Variants in DCC observed in about 807,000 individuals in gnomAD.
DCC encodes netrin receptor DCC.
In DCC, 58 loss-of-function variants were observed where a neutral mutation model predicts 172.5. The observed-to-expected ratio is 0.34, with a 90% CI of 0.27 to 0.42. The LOEUF is 0.42. DCC is among the 10% of genes least tolerant of loss of function. The probability of loss-of-function intolerance (pLI) is 1.00; values close to 1 mark genes in which losing one functional copy is unlikely to be tolerated. For missense variants in DCC, 1,740 were observed against 1,791.0 expected (o/e 0.97, Z 0.51); for synonymous variants, 709 against 644.5 (o/e 1.10, Z -1.52).
chr18:53,049,607 T>C (rs996160701), intron 5 of DCC, among the ~76,000 whole-genome samples: 1 of 152,104 alleles, frequency 6.6e-6, no homozygotes, highest in African/African-American at 2.4e-5. Flanking sequence ...TAGTTAGAAA[T>C]TGGGTAATGT....
chr18:52,538,924 G>A (rs1212122981), intron 1 of DCC, among the ~76,000 whole-genome samples: 2 of 152,210 alleles, frequency 1.3e-5, no homozygotes, highest in African/African-American at 4.8e-5. Context: ...AGTGAATAAT[G>A]TGTGGTGGAT....
chr18:52,541,899 G>GTATATATATATA (rs1390082523), intron 1 of DCC, among the ~76,000 whole-genome samples: 3 of 136,036 alleles, frequency 2.2e-5, no homozygotes, highest in African/African-American at 8.2e-5. Context: ...ATATATATGT[G>GTATATATATATA]TATATATATA....
intron 5 of DCC, among the ~76,000 whole-genome samples, chr18:53,031,688 A>G (rs112932304): frequency 0.013 from 2,044 of 152,298 alleles, 35 homozygotes; most frequent in African/African-American, 0.046. Context: ...CATCAAAATT[A>G]TATACACTGG....
intron 7 of DCC, among the ~76,000 whole-genome samples, chr18:53,135,146 C>T (rs765472338): frequency 6.6e-5 from 10 of 152,160 alleles, no homozygotes; most frequent in Non-Finnish European, 1.0e-4. Flanking sequence ...TGCACCCTTG[C>T]TTCTCAGCTT....
At chr18:52,669,316 T>G (rs935560649) in intron 1 of DCC, among the ~76,000 whole-genome samples, 2 of 152,186 alleles carry the variant, frequency 1.3e-5, no homozygotes, top group African/African-American at 4.8e-5. Context: ...TCTTGTAGCC[T>G]CCAGCTGCAG....
At chr18:52,862,634 G>T (rs527294041) in intron 2 of DCC, among the ~76,000 whole-genome samples, 42 of 152,156 alleles carry the variant, frequency 2.8e-4, no homozygotes, top group African/African-American at 8.9e-4. Flanking sequence ...GGAGAGGGAG[G>T]TTGCAGTGAG....
intron 13 of DCC, among the ~76,000 whole-genome samples, chr18:53,311,125 TA>T (rs1196311254): frequency 8.5e-5 from 9 of 106,160 alleles, no homozygotes; most frequent in Middle Eastern, 4.8e-3. Context: ...TTATTTTATT[TA>T]TTTATTTTTT....
At chr18:52,925,505 C>G (rs995764844) in intron 5 of DCC, 135 bp downstream of exon 5, 2 of 876,636 alleles carry the variant, frequency 2.3e-6, no homozygotes, top group Non-Finnish European at 3.8e-6. Context: ...CCACACATGT[C>G]CTTGCTTTGC....
chr18:53,445,934 T>G (rs1438904151), intron 22 of DCC, among the ~76,000 whole-genome samples: 1 of 150,188 alleles, frequency 6.7e-6, no homozygotes, highest in Non-Finnish European at 1.5e-5. Context: ...TGATACAAGG[T>G]TTTTTTTCCT....
chr18:52,388,236 G>A (rs1985894710), intron 1 of DCC, among the ~76,000 whole-genome samples: 1 of 151,860 alleles, frequency 6.6e-6, no homozygotes, highest in African/African-American at 2.4e-5. Context: ...TTAGGAGAAG[G>A]CAACTTTTCA....
chr18:52,753,521 A>G (rs541235493), intron 2 of DCC, among the ~76,000 whole-genome samples: 1 of 152,266 alleles, frequency 6.6e-6, no homozygotes, highest in East Asian at 1.9e-4. Context: ...TGCAGAGTCC[A>G]TTTTTTTGTT....
chr18:53,365,149 C>T (rs527366604), intron 15 of DCC, among the ~76,000 whole-genome samples: 1 of 149,306 alleles, frequency 6.7e-6, no homozygotes, highest in African/African-American at 2.5e-5. Flanking sequence ...TTGTTCAATT[C>T]CCACCTATGA....
intron 1 of DCC, among the ~76,000 whole-genome samples, chr18:52,624,948 G>T (rs1315245277): frequency 6.6e-6 from 1 of 152,104 alleles, no homozygotes; most frequent in Non-Finnish European, 1.5e-5. Flanking sequence ...TAGGTGATTT[G>T]GTTGTTGTGT....
chr18:52,970,171 T>C (rs1229428811), intron 5 of DCC, among the ~76,000 whole-genome samples: 7 of 152,112 alleles, frequency 4.6e-5, no homozygotes, highest in Admixed American at 3.9e-4. Flanking sequence ...GAATCTGTTT[T>C]ACTATTAGGA....
intron 1 of DCC, among the ~76,000 whole-genome samples, chr18:52,579,886 A>C (rs1012686520): frequency 2.0e-5 from 3 of 152,252 alleles, no homozygotes; most frequent in Non-Finnish European, 4.4e-5. Context: ...AACTCAGTAC[A>C]TAGAATCACC....
rs1338640000 is a variant in DCC, at chr18:53,425,355, C to CTTTTTTTTTTT, written c.3163+9200_3163+9201insTTTTTTTTTTT. On this transcript the variant is annotated intron_variant, in intron 21 of 28. Coordinates refer to ENST00000442544, the MANE Select transcript of DCC (RefSeq NM_005215.4). Reference sequence around the variant, plus strand: ...GTCCACAATTTTCCCCGTTTCTCCTCTCTTTTTTTTTTTTTTTTTTTTGAG... The same window carrying CTTTTTTTTTTT: ...GTCCACAATTTTCCCCGTTTCTCCTCTTTTTTTTTTTTCTTTTTTTTTTTTTTTTTTTTGAG... Among the ~76,000 whole-genome samples the CTTTTTTTTTTT allele has an allele frequency of 2.6e-3, 222 of 86,468 alleles. 1 individual carries two copies. The highest frequency in any genetic ancestry group is 8.8e-3 in the Admixed American group (79 of 9,018). The allele number at this position is 86,468 out of a possible 152,430, so 56.7% of individuals were successfully genotyped here. A position where few individuals can be genotyped will look rare whatever the true frequency, so the allele number is the denominator to read the frequency against.
chr18:53,268,177 T>C (rs2056704397), intron 12 of DCC, among the ~76,000 whole-genome samples: 1 of 152,158 alleles, frequency 6.6e-6, no homozygotes, highest in African/African-American at 2.4e-5. Flanking sequence ...GTCTCTGGCT[T>C]TCTTTCAAAG....
intron 6 of DCC, 118 bp downstream of exon 6, chr18:53,063,577 T>TA (rs938346052): frequency 1.7e-5 from 13 of 784,920 alleles, no homozygotes; most frequent in Non-Finnish European, 2.5e-5. Context: ...TGTGATGTGT[T>TA]AAAAAAGTTA....
intron 1 of DCC, among the ~76,000 whole-genome samples, chr18:52,678,274 T>C (rs2035681034): frequency 6.6e-6 from 1 of 152,118 alleles, no homozygotes; most frequent in African/African-American, 2.4e-5. Context: ...TGCCGTCTTA[T>C]TGGTTGGCAT....
Sources: allele counts gnomAD v4.1 joint callset (sites outside exome capture counted in the v4.1 genomes callset), GRCh38; gene constraint gnomAD v4.1.1; transcripts MANE v1.5; gene names NCBI Gene and HGNC (gene_info 2026-07-23, HGNC 2026-07-21).